VWA3B: variants seen among roughly 807,000 people sequenced by gnomAD.
The protein encoded by VWA3B is von Willebrand factor A domain-containing protein 3B.
VWA3B carries 138 observed loss-of-function variants against 158.3 expected under a neutral mutation model. The ratio of observed to expected loss-of-function variants is 0.87; its 90% CI spans 0.76 to 1.00. VWA3B has a LOEUF of 1.00. Ranked by LOEUF, VWA3B falls within the 50% of genes least tolerant of loss-of-function variation. VWA3B has a pLI of 0.00. For missense variants in VWA3B, 1,555 were observed against 1,565.1 expected (o/e 0.99, Z 0.11); for synonymous variants, 596 against 587.3 (o/e 1.01, Z -0.21).
chr2:98,156,918 G>T (rs563734418), intron 7 of VWA3B, among the ~76,000 whole-genome samples: 3 of 152,258 alleles, frequency 2.0e-5, no homozygotes, highest in African/African-American at 7.2e-5. Flanking sequence ...GGAGTCTGCG[G>T]TCATTTTTCT....
chr2:98,190,951 TCTC>T (rs1244904351), intron 10 of VWA3B, among the ~76,000 whole-genome samples: 1 of 152,080 alleles, frequency 6.6e-6, no homozygotes, highest in Non-Finnish European at 1.5e-5. Flanking sequence ...CCCCCTCTCT[TCTC>T]CTTCTTCTAC....
At chr2:98,269,536 A>C (rs1688071776) in intron 21 of VWA3B, 5 of 152,194 alleles carry the variant, frequency 3.3e-5, no homozygotes, top group Admixed American at 3.3e-4. Context: ...AAAACACAAG[A>C]ATTTTGAATG....
At chr2:98,111,125 G>A (rs1486192997) in intron 2 of VWA3B, among the ~76,000 whole-genome samples, 1 of 152,034 alleles carries the variant, frequency 6.6e-6, no homozygotes, top group Middle Eastern at 3.2e-3. Context: ...CCACCTTTTG[G>A]ATTCTCCAGT....
intron 7 of VWA3B, among the ~76,000 whole-genome samples, chr2:98,149,163 G>A (rs1368769372): frequency 1.3e-5 from 2 of 152,218 alleles, no homozygotes; most frequent in Non-Finnish European, 2.9e-5. Context: ...AAAAGATTGA[G>A]CTGTATCAGC....
intron 25 of VWA3B, among the ~76,000 whole-genome samples, chr2:98,302,938 G>A (rs1690286053): frequency 6.6e-6 from 1 of 152,210 alleles, no homozygotes. Context: ...AAGCGGAGAA[G>A]GAGTTGTCTG....
In VWA3B at chr2:98,128,420, A is replaced by T. The variant is rs1675555353; in HGVS notation, c.872+12A>T. ...AAGACCCACAGCAGGTAGGCAGAAA[A>T]TGTGCTCTTGAGTGACAGCAAGCGG... is the stretch of plus-strand genomic sequence containing the variant. On this transcript the variant is annotated intron_variant, in intron 6 of 27. Coordinates refer to ENST00000477737, the MANE Select transcript of VWA3B (RefSeq NM_144992.5). 1 of 1,610,692 alleles carries T rather than the reference A, an allele frequency of 6.2e-7. No individual in the cohort carries two copies. The highest frequency in any genetic ancestry group is 8.5e-7 in the Non-Finnish European group (1 of 1,177,940).
chr2:98,100,256 T>A (rs191296264), intron 2 of VWA3B, among the ~76,000 whole-genome samples: 203 of 152,364 alleles, frequency 1.3e-3, no homozygotes, highest in Admixed American at 2.5e-3. Context: ...TGGGCAAGTC[T>A]TCTGGTGTGG....
rs139414718 is a variant in VWA3B, at chr2:98,124,660, A to C, written c.702+3202A>C. Among the ~76,000 whole-genome samples the C allele has an allele frequency of 3.5e-4, 53 of 152,332 alleles. No individual in the cohort carries two copies. In the East Asian group the frequency reaches 5.6e-3, roughly 16 times the overall value. ...GCAGAACAAGACAGAATTTTGCTGG[A>C]TCTTTTGCTGCTGTTCTGGTTGACT... On this transcript the variant is annotated intron_variant, in intron 5 of 27. Coordinates refer to ENST00000477737, the MANE Select transcript of VWA3B (RefSeq NM_144992.5).
At chr2:98,314,770 C>T (rs1366347456), downstream of VWA3B, among the ~76,000 whole-genome samples, 1 of 152,136 alleles carries the variant, frequency 6.6e-6, no homozygotes, top group African/African-American at 2.4e-5. Flanking sequence ...CGCCTGTTAT[C>T]CCAGCACTTT....
intron 7 of VWA3B, among the ~76,000 whole-genome samples, chr2:98,146,081 G>A (rs146140356): frequency 2.6e-4 from 40 of 151,820 alleles, no homozygotes; most frequent in African/African-American, 6.8e-4. Context: ...TTGCCTTTCC[G>A]TGTCATTTTT....
the VWA3B span, among the ~76,000 whole-genome samples, chr2:98,327,391 A>G: frequency 6.6e-6 from 1 of 152,218 alleles, no homozygotes. Context: ...GCCCAGTTCA[A>G]CTCAAATCTC....
At chr2:98,303,111 TAA>T (rs1249399852) in intron 25 of VWA3B, among the ~76,000 whole-genome samples, 2 of 152,106 alleles carry the variant, frequency 1.3e-5, no homozygotes, top group African/African-American at 2.4e-5. Context: ...AGGGATGTTT[TAA>T]GAGATGTCCC....
At chr2:98,305,505 G>A (rs1228445999) in intron 26 of VWA3B, among the ~76,000 whole-genome samples, 1 of 152,168 alleles carries the variant, frequency 6.6e-6, no homozygotes, top group Non-Finnish European at 1.5e-5. Context: ...CAGGTGTTCA[G>A]CACATTGTGG....
Position 98,119,741 on chromosome 2 carries a change from A to G in VWA3B, c.520A>G (p.Ile174Val), listed in dbSNP as rs762487434. The change falls in exon 4 of 28, where the codon ATA becomes GTA. Residue 174 changes from isoleucine to valine, a missense_variant. Physicochemically the swap from Ile to Val is conservative, Grantham distance 29 (BLOSUM62 3). Coordinates refer to ENST00000477737, the MANE Select transcript of VWA3B (RefSeq NM_144992.5). ...TMVLQEQVAH[I>V]TEFNIIRVSQ... ...GGTTCTCCAGGAGCAGGTGGCTCAC[A>G]TAACCGAGTTCAATATCATACGGTG... The G allele has an allele frequency of 2.5e-6, 4 of 1,614,020 alleles. No individual in the cohort carries two copies. Among genetic ancestry groups the G allele is most frequent in the African/African-American group, 2.7e-5 (2 of 74,916 alleles).
chr2:98,147,701 T>G (rs145538216), intron 7 of VWA3B, among the ~76,000 whole-genome samples: 1,725 of 152,208 alleles, frequency 0.011, 43 homozygotes, highest in African/African-American at 0.04. Context: ...TTTTTTTTCT[T>G]TTTTTAATTA....
rs559127072 is a variant in VWA3B, at chr2:98,138,509, C to T, written c.988+4570C>T. On this transcript the variant is annotated intron_variant, in intron 7 of 27. Transcript: ENST00000477737. Reference sequence around the variant, plus strand: ...AAAACTTGCAGAATTCCTGTTTTTCCCTGCTGCGTATGCCCCCTGAGCCCA... The same window carrying T: ...AAAACTTGCAGAATTCCTGTTTTTCTCTGCTGCGTATGCCCCCTGAGCCCA... 3.9e-5 allele frequency among the ~76,000 whole-genome samples: 6 copies of T among 152,268 alleles called. No individual in the cohort carries two copies. The South Asian group carries it at 1.2e-3, about 32-fold the overall frequency.
At chr2:98,316,083 ATTT>A (rs2106038050), downstream of VWA3B, among the ~76,000 whole-genome samples, 1 of 152,316 alleles carries the variant, frequency 6.6e-6, no homozygotes, top group African/African-American at 2.4e-5. Flanking sequence ...TGGTCACCAT[ATTT>A]TCATCAACTA....
chr2:98,144,982 T>C (rs1677067174), intron 7 of VWA3B, among the ~76,000 whole-genome samples: 1 of 152,234 alleles, frequency 6.6e-6, no homozygotes, highest in Non-Finnish European at 1.5e-5. Context: ...TGCTCCCACA[T>C]CCTCTCTGCT....
chr2:98,269,445 C>T (rs1688065536), intron 21 of VWA3B: 1 of 152,202 alleles, frequency 6.6e-6, no homozygotes, highest in South Asian at 2.1e-4. Context: ...GAGGTCCCAA[C>T]CTGACCTGCA....
Sources: gnomAD v4.1 joint callset for allele counts (sites outside exome capture counted in the v4.1 genomes callset) on GRCh38, gnomAD v4.1.1 for gene constraint, MANE v1.5 for transcripts, NCBI Gene and HGNC (gene_info 2026-07-23, HGNC 2026-07-21) for gene names.